SBNO1: variants seen among roughly 807,000 people sequenced by gnomAD.
The protein encoded by SBNO1 is strawberry notch homolog 1.
A neutral mutation model predicts 173.6 loss-of-function variants in SBNO1; 23 were observed. The ratio of observed to expected loss-of-function variants is 0.13; its 90% CI spans 0.10 to 0.19. The LOEUF is 0.19. Ranked by LOEUF, SBNO1 falls within the 10% of genes least tolerant of loss-of-function variation. SBNO1 has a pLI of 1.00. For missense variants in SBNO1, 1,238 were observed against 1,671.2 expected, an observed-to-expected ratio of 0.74 and a Z score of 4.52; for synonymous variants, 632 against 571.5, an observed-to-expected ratio of 1.11 and a Z score of -1.51.
In SBNO1 at chr12:123,315,574, T is replaced by C. The variant is rs779726308; in HGVS notation, c.3022A>G (p.Ile1008Val). ...AAACTCTCAAGTCTTTTAGCAACAA[T>C]AGATGCAAATCTTTGTTCTCCTGCC... The part of the protein sequence containing the change: ...ELAGEQRFAS[I>V]VAKRLESLGA... The change falls in exon 22 of 32, where the codon ATT becomes GTT. Residue 1008 changes from isoleucine to valine, a missense_variant. Transcript: ENST00000602398. The C allele has an allele frequency of 1.7e-5, 28 of 1,612,958 alleles. No homozygotes were observed. The highest frequency in any genetic ancestry group is 8.8e-5 in the South Asian group (8 of 91,064).
rs1222376810 is a variant in SBNO1 at position 123,313,602 on chromosome 12, A to C, written c.3220+18T>G. ...GTCAATAATCATTGTCATTGTTATG[A>C]ATATTTGTAGAAGTTACCTTTAAAA... On this transcript the variant is annotated intron_variant, in intron 24 of 31. Transcript: ENST00000602398. 8.1e-7 allele frequency: 1 copy of C among 1,231,600 alleles called. No individual in the cohort carries two copies. The highest frequency in any genetic ancestry group is 1.8e-5 in the Admixed American group (1 of 56,406). The allele number at this position is 1,231,600 out of a possible 1,614,324, so 76.3% of individuals were successfully genotyped here.
Position 123,341,022 on chromosome 12 carries a change from T to C in SBNO1, c.617A>G (p.Asn206Ser), listed in dbSNP as rs199607415. 2,375 of 1,603,250 alleles carry C rather than the reference T, an allele frequency of 1.5e-3. 15 individuals are homozygous for C. The highest frequency in any genetic ancestry group is 9.5e-4 in the Non-Finnish European group (1,110 of 1,173,938). Reference protein sequence around the residue: ...SNKEGARMWINDMKMRSFSPT... With the variant: ...SNKEGARMWISDMKMRSFSPT... ...GGAAAAACTCCTCATCTTCATGTCG[T>C]TTATCCACATTCTAGCTCCTTCTTT... The change falls in exon 5 of 32, where the codon AAC becomes AGC. Residue 206 changes from asparagine to serine, a missense_variant. Coordinates refer to ENST00000602398, the MANE Select transcript of SBNO1 (RefSeq NM_001167856.3).
chr12:123,320,074 G>A, intron 19 of SBNO1, 43 bp from the exon 20 acceptor site: 2 of 1,609,862 alleles, frequency 1.2e-6, no homozygotes, highest in Non-Finnish European at 1.7e-6. Context: ...GTATCTGACT[G>A]CGGTGGATGG....
chr12:123,303,710 C>T (rs1299080096), intron 29 of SBNO1, among the ~76,000 whole-genome samples: 1 of 151,802 alleles, frequency 6.6e-6, no homozygotes, highest in African/African-American at 2.4e-5. Flanking sequence ...TTTCCTTAAA[C>T]CAGGCTGGGT....
At chr12:123,314,550 G>C (rs371887871) in intron 23 of SBNO1, among the ~76,000 whole-genome samples, 2 of 151,854 alleles carry the variant, frequency 1.3e-5, no homozygotes, top group Non-Finnish European at 2.9e-5. Context: ...GGATGGTCTC[G>C]ATCTCATGAC....
At position 123,304,329 on chromosome 12, in the gene SBNO1, G is replaced by T. The variant is rs547537050; in HGVS notation, c.3768+253C>A. ...GGCTCACTGCAACCTCCGCCTCCCGGGTTCAAGTGATTCTCCTACCTCGGC... is the reference window on the plus strand; with the variant it reads ...GGCTCACTGCAACCTCCGCCTCCCGTGTTCAAGTGATTCTCCTACCTCGGC... On this transcript the variant is annotated intron_variant, in intron 29 of 31. Coordinates refer to ENST00000602398, the MANE Select transcript of SBNO1 (RefSeq NM_001167856.3). 1.0e-3 allele frequency: 328 copies of T among 326,254 alleles called. 2 individuals are homozygous for T. The highest frequency in any genetic ancestry group is 6.3e-3 in the African/African-American group (288 of 45,770). 20.2% of individuals were successfully genotyped at this position (326,254 alleles called of 1,614,324 possible).
chr12:123,311,216 T>C (rs998237429), intron 24 of SBNO1, 87 bp from the exon 25 acceptor site: 8 of 932,732 alleles, frequency 8.6e-6, no homozygotes, highest in East Asian at 4.9e-5. Context: ...TTGTAAGTAG[T>C]ATCATGCCAT....
rs748957316 is a variant in SBNO1 at position 123,309,447 on chromosome 12, T to G, written c.3537+42A>C. 12 of 1,599,358 alleles carry G rather than the reference T, an allele frequency of 7.5e-6. 1 individual carries two copies. The South Asian group carries it at 1.1e-4, about 15-fold the overall frequency. On this transcript the variant is annotated intron_variant, in intron 27 of 31. Coordinates refer to ENST00000602398, the MANE Select transcript of SBNO1 (RefSeq NM_001167856.3). The stretch of plus-strand genomic sequence containing the variant: ...ATTTAAACTCATTTCTGTAAATGCA[T>G]CTCATGGGAAGACGATACTTCACAA...
At chr12:123,307,597 T>C (rs2048951947) in intron 28 of SBNO1, among the ~76,000 whole-genome samples, 1 of 152,198 alleles carries the variant, frequency 6.6e-6, no homozygotes, top group African/African-American at 2.4e-5. Flanking sequence ...AAATATGTTA[T>C]ATACAACCAA....
chr12:123,309,083 AAAAG>A (rs1566025381), intron 28 of SBNO1, among the ~76,000 whole-genome samples: 2 of 101,102 alleles, frequency 2.0e-5, no homozygotes, highest in Non-Finnish European at 5.6e-5. Flanking sequence ...GAAAGAAAAA[AAAAG>A]AAGAAAATGT....
intron 1 of SBNO1, among the ~76,000 whole-genome samples, chr12:123,351,483 C>G (rs903376505): frequency 1.3e-5 from 2 of 152,058 alleles, no homozygotes; most frequent in Non-Finnish European, 2.9e-5. Context: ...TTTAATTAGC[C>G]AAGTGTGGTG....
intron 15 of SBNO1, 90 bp downstream of exon 15, chr12:123,325,412 A>C: frequency 1.1e-6 from 1 of 871,784 alleles, no homozygotes; most frequent in Non-Finnish European, 1.9e-6. Context: ...GGTGAAACAA[A>C]AGTTTTGTCT....
At chr12:123,328,949 C>T (rs1188383324) in intron 9 of SBNO1, 54 bp from the exon 10 acceptor site, 1 of 999,274 alleles carries the variant, frequency 1.0e-6, no homozygotes, top group Non-Finnish European at 1.4e-6. Context: ...CTCTCTGCAA[C>T]ATTCATCCCA....
intron 1 of SBNO1, among the ~76,000 whole-genome samples, chr12:123,351,527 T>C (rs548480984): frequency 2.6e-5 from 4 of 151,874 alleles, no homozygotes; most frequent in African/African-American, 4.8e-5. Context: ...CTTGGGAGGA[T>C]GGCTTAAGCC....
intron 2 of SBNO1, 109 bp from the exon 3 acceptor site, chr12:123,348,242 C>T (rs1337869480): frequency 4.1e-5 from 23 of 566,970 alleles, no homozygotes; most frequent in East Asian, 9.2e-5. Flanking sequence ...TTCAAACTGA[C>T]GTTAAATCAC....
intron 9 of SBNO1, among the ~76,000 whole-genome samples, 184 bp from the exon 10 acceptor site, chr12:123,329,079 G>T (rs751731182): frequency 6.6e-6 from 1 of 152,080 alleles, no homozygotes; most frequent in Non-Finnish European, 1.5e-5. Flanking sequence ...CAACTTTATA[G>T]TACAAAAATC....
At chr12:123,359,721 T>C (rs1284418208) in intron 1 of SBNO1, among the ~76,000 whole-genome samples, 3 of 152,190 alleles carry the variant, frequency 2.0e-5, no homozygotes, top group Non-Finnish European at 4.4e-5. Context: ...TTTCATACCA[T>C]ATCTTATTCA....
chr12:123,304,328 G>C (rs1049814131), intron 29 of SBNO1: 6 of 321,138 alleles, frequency 1.9e-5, no homozygotes, highest in Non-Finnish European at 3.5e-5. Flanking sequence ...TCCGCCTCCC[G>C]GGTTCAAGTG....
Position 123,347,914 on chromosome 12 carries a change from A to C in SBNO1, c.237+115T>G, listed in dbSNP as rs570183650. The C allele has an allele frequency of 3.3e-4, 180 of 538,602 alleles. 1 individual carries two copies. In the Middle Eastern group the frequency reaches 5.1e-3, roughly 15 times the overall value. 33.4% of individuals were successfully genotyped at this position (538,602 alleles called of 1,614,324 possible). ...ATTCCTCGGCTCAAGCAATCCTCCT[A>C]CCTCAGCCTCTCAAAGTGCTGAGAC... is the stretch of plus-strand genomic sequence containing the variant. On this transcript the variant is annotated intron_variant, in intron 3 of 31. Transcript: ENST00000602398.
Sources: gnomAD v4.1 joint callset for allele counts (sites outside exome capture counted in the v4.1 genomes callset) on GRCh38, gnomAD v4.1.1 for gene constraint, MANE v1.5 for transcripts, NCBI Gene and HGNC (gene_info 2026-07-23, HGNC 2026-07-21) for gene names.